Variants in IGFN1 observed in about 807,000 individuals in gnomAD.
The protein encoded by IGFN1 is immunoglobulin-like and fibronectin type III domain-containing protein 1.
In IGFN1, 253 loss-of-function variants were observed where a neutral mutation model predicts 289.5. That is an observed-to-expected ratio of 0.87 (90% CI 0.79 to 0.97). IGFN1 has a LOEUF of 0.97. Among genes scored for constraint, IGFN1 ranks in the 50% least tolerant of loss-of-function variants. IGFN1 has a pLI of 0.00. For synonymous variants in IGFN1, 1,706 were observed against 1,788.5 expected (o/e 0.95, Z 1.16); for missense variants, 4,470 against 4,686.1 (o/e 0.95, Z 1.35).
chr1:201,209,467 T>C lies in IGFN1; in HGVS notation c.4574T>C (p.Val1525Ala), dbSNP rs1024094237. 2 of 1,535,938 alleles carry C rather than the reference T, an allele frequency of 1.3e-6. No individual in the cohort carries two copies. Among genetic ancestry groups the C allele is most frequent in the East Asian group, 2.4e-5 (1 of 40,832 alleles). Residue 1525 changes from valine to alanine, a missense_variant, in exon 12 of 24, where the codon GTG becomes GCG. By Grantham distance (64) the Val-to-Ala change is moderately conservative (BLOSUM62 0). Around this residue, in one of 8 missense-constraint regions of IGFN1, gnomAD observed 2,011 missense variants for 1,953.4 expected, o/e 1.03. Coordinates refer to ENST00000335211, the MANE Select transcript of IGFN1 (RefSeq NM_001164586.2). The part of the protein sequence containing the change: ...GGLGSGEMGS[V>A]DKAGYRKDLG... ...TTAGGTTCTGGGGAAATGGGGTCTG[T>C]GGATAAGGCAGGCTATAGGAAGGAT...
Position 201,211,493 on chromosome 1 carries a change from A to G in IGFN1, c.6600A>G (p.Leu2200=), listed in dbSNP as rs1406490922. ...SGSKAGFRDG[L]GGSEEMGSVN... ...GTAAGGCAGGTTTCAGGGATGGTTT[A>G]GGGGGTTCTGAAGAAATGGGGTCAG... The change falls in exon 12 of 24, where the codon TTA becomes TTG. Residue 2200 remains leucine, a synonymous_variant. Coordinates refer to ENST00000335211, the MANE Select transcript of IGFN1 (RefSeq NM_001164586.2). 2 of 1,501,144 alleles carry G rather than the reference A, an allele frequency of 1.3e-6. No individual in the cohort carries two copies. Among genetic ancestry groups the G allele is most frequent in the South Asian group, 1.2e-5 (1 of 80,178 alleles). The allele number at this position is 1,501,144 out of a possible 1,614,324, so 93.0% of individuals were successfully genotyped here.
rs768084184 is a variant in IGFN1 at position 201,224,727 on chromosome 1, C to A, written c.10339C>A (p.Pro3447Thr). 9 of 1,614,206 alleles carry A rather than the reference C, an allele frequency of 5.6e-6. No homozygotes were observed. In the South Asian group the frequency reaches 8.8e-5, roughly 16 times the overall value. ...CTGGCTGAAGGATGGCTTGCCCTTG[C>A]CCAAAAGAAGTGTGACTGTCACTAA... is the stretch of plus-strand genomic sequence containing the variant. ...VTWLKDGLPL[P>T]KRSVTVTKDG... The change falls in exon 21 of 24, where the codon CCC (proline) becomes ACC (threonine). Residue 3447 changes from proline (P) to threonine (T), a missense_variant. This residue lies in a region of IGFN1 where 2,218 missense variants were observed against 2,114.1 expected (regional missense o/e 1.05). Transcript: ENST00000335211.
chr1:201,200,463 A>G, intron 8 of IGFN1, 52 bp downstream of exon 8: 1 of 1,432,354 alleles, frequency 7.0e-7, no homozygotes, highest in South Asian at 1.3e-5. Context: ...ACACACCTGG[A>G]CCATAGGTGC....
Position 201,212,939 on chromosome 1 carries a change from G to A in IGFN1, c.8046G>A (p.Ala2682=), listed in dbSNP as rs761937829. ...KGGEGAPGQE[A]AGGCRSPWSL... ...GGGAGGGTGCACCAGGCCAAGAGGC[G>A]GCTGGTGGATGCCGAAGCCCATGGT... The change falls in exon 12 of 24, where the codon GCG becomes GCA. Residue 2682 remains alanine, a synonymous_variant. Transcript: ENST00000335211. 87 of 1,551,384 alleles carry A rather than the reference G, an allele frequency of 5.6e-5. No individual in the cohort carries two copies. The highest frequency in any genetic ancestry group is 6.9e-5 in the Non-Finnish European group (79 of 1,146,958).
Position 201,201,839 on chromosome 1 carries a change from C to A in IGFN1, c.747+7C>A. On this transcript the variant is annotated splice_region_variant and intron_variant, in intron 9 of 23. Coordinates refer to ENST00000335211, the MANE Select transcript of IGFN1 (RefSeq NM_001164586.2). The stretch of plus-strand genomic sequence containing the variant: ...CAAGATTTACCTGTATAAGGTGAGG[C>A]TGGAGGGGCTATGGGTGGGGGGGAT... The A allele has an allele frequency of 9.6e-7, 1 of 1,045,928 alleles. No homozygotes were observed. The highest frequency in any genetic ancestry group is 1.4e-6 in the Non-Finnish European group (1 of 696,960). The allele number at this position is 1,045,928 out of a possible 1,614,324, so 64.8% of individuals were successfully genotyped here.
chr1:201,200,685 T>C (rs1460951685), intron 8 of IGFN1, among the ~76,000 whole-genome samples: 1 of 152,062 alleles, frequency 6.6e-6, no homozygotes. Context: ...ATCTGTAAAA[T>C]GGGAATTATA....
rs970072036 is a variant in IGFN1, at chr1:201,228,791, A to G, written c.*392A>G. On this transcript the variant is annotated 3_prime_UTR_variant, in exon 24 of 24. Transcript: ENST00000335211. ...AGCTGGGCCTGCTGTGACCACTGGGAGGGAAGAGGAGAGGAGGTCAGAGGA... is the reference window on the plus strand; with the variant it reads ...AGCTGGGCCTGCTGTGACCACTGGGGGGGAAGAGGAGAGGAGGTCAGAGGA... 4.4e-5 allele frequency: 10 copies of G among 227,276 alleles called. No homozygotes were observed. In the South Asian group the frequency reaches 7.8e-4, roughly 18 times the overall value. 14.1% of individuals were successfully genotyped at this position (227,276 alleles called of 1,614,324 possible). A position where few individuals can be genotyped will look rare whatever the true frequency, so the allele number is the denominator to read the frequency against.
chr1:201,223,997 C>A (rs536664580), intron 20 of IGFN1, among the ~76,000 whole-genome samples: 16 of 152,240 alleles, frequency 1.1e-4, no homozygotes, highest in African/African-American at 3.9e-4. Flanking sequence ...CTCTGCTTTC[C>A]GTGTATTTAT....
At position 201,194,144 on chromosome 1, in the gene IGFN1, C is replaced by T. The variant is rs1666778130; in HGVS notation, c.8-10C>T. 6.4e-7 allele frequency: 1 copy of T among 1,551,110 alleles called. No homozygotes were observed. Among genetic ancestry groups the T allele is most frequent in the African/African-American group, 1.4e-5 (1 of 73,030 alleles). ...GAAGGCCCCATCTCCTTCCCTCCTGCATTCTCCAGGAAAGCTCCGGAAGTC... is the reference window on the plus strand; with the variant it reads ...GAAGGCCCCATCTCCTTCCCTCCTGTATTCTCCAGGAAAGCTCCGGAAGTC... On this transcript the variant is annotated splice_polypyrimidine_tract_variant and intron_variant, in intron 2 of 23. Coordinates refer to ENST00000335211, the MANE Select transcript of IGFN1 (RefSeq NM_001164586.2).
Position 201,226,116 on chromosome 1 carries a change from G to A in IGFN1, c.10779G>A (p.Arg3593=). 2 of 1,592,010 alleles carry A rather than the reference G, an allele frequency of 1.3e-6. No individual in the cohort carries two copies. ...SDTSQPWCIP[R]QRDRFTVKAP... ...CCAGCCAGCCCTGGTGCATCCCCCG[G>A]CAGCGCGGTAAGCAGCCCCTGAGAG... Residue 3593 remains arginine, a synonymous_variant, in exon 22 of 24, where the codon CGG becomes CGA. Coordinates refer to ENST00000335211, the MANE Select transcript of IGFN1 (RefSeq NM_001164586.2).
chr1:201,215,300 G>A (rs1204357603), intron 14 of IGFN1, 146 bp downstream of exon 14: 1 of 1,025,466 alleles, frequency 9.8e-7, no homozygotes, highest in Admixed American at 2.9e-5. Context: ...GATTTAAAAA[G>A]CCGACTCATA....
intron 5 of IGFN1, among the ~76,000 whole-genome samples, chr1:201,197,839 A>G (rs1208159814): frequency 2.0e-5 from 3 of 152,186 alleles, no homozygotes; most frequent in Admixed American, 6.5e-5. Flanking sequence ...GCCATTGGTT[A>G]TGCTTACAAT....
At chr1:201,204,970 G>A (rs1245959957) in intron 10 of IGFN1, 112 bp from the exon 11 acceptor site, 1 of 1,099,182 alleles carries the variant, frequency 9.1e-7, no homozygotes, top group Non-Finnish European at 1.3e-6. Context: ...AACATGGGGA[G>A]TTTGTGGCTG....
At chr1:201,213,758 G>A in intron 12 of IGFN1, 137 bp downstream of exon 12, 2 of 715,906 alleles carry the variant, frequency 2.8e-6, no homozygotes, top group Admixed American at 2.9e-5. Flanking sequence ...CCCATTCTCA[G>A]GAATCTTTTG....
chr1:201,214,442 T>C (rs1354681914), intron 13 of IGFN1, 141 bp downstream of exon 13: 2 of 841,942 alleles, frequency 2.4e-6, no homozygotes, highest in Non-Finnish European at 3.5e-6. Flanking sequence ...GAAGTTTAAA[T>C]AGCCAATAAC....
chr1:201,205,308 G>GGGAGTCAGCCAGAC lies in IGFN1; in HGVS notation c.1143_1144insGGAGTCAGCCAGAC (p.Leu382GlyfsTer81). 6.5e-7 allele frequency: 1 copy of GGGAGTCAGCCAGAC among 1,548,622 alleles called. No homozygotes were observed. On this transcript the variant is annotated frameshift_variant, in exon 11 of 24. Transcript: ENST00000335211. LOFTEE classifies it high-confidence loss of function. ...GTTTCTCAGACATGGGCCCCTATTC[G>GGGAGTCAGCCAGAC]CTGGGCACCGGGCTCTACACTTCCA...
chr1:201,219,426 C>T (rs1319433376), intron 18 of IGFN1, among the ~76,000 whole-genome samples: 1 of 152,098 alleles, frequency 6.6e-6, no homozygotes, highest in Non-Finnish European at 1.5e-5. Context: ...ACAGGAACAG[C>T]AAAAAATGTC....
chr1:201,207,680 C>T lies in IGFN1; in HGVS notation c.2787C>T (p.Ser929=). Residue 929 remains serine (S), a synonymous_variant, in exon 12 of 24, where the codon AGC becomes AGT. Coordinates refer to ENST00000335211, the MANE Select transcript of IGFN1 (RefSeq NM_001164586.2). ...SEPDFWNGSG[S]SRVKGPRGET... is the part of the protein sequence containing the mutation. ...CAGATTTCTGGAATGGGTCAGGGAG[C>T]TCCAGAGTAAAAGGACCCAGAGGTG... 6.5e-7 allele frequency: 1 copy of T among 1,537,076 alleles called. No individual in the cohort carries two copies. The highest frequency in any genetic ancestry group is 8.7e-7 in the Non-Finnish European group (1 of 1,146,900).
Position 201,214,224 on chromosome 1 carries a change from C to T in IGFN1, c.8776C>T (p.Pro2926Ser), listed in dbSNP as rs1250994272. Residue 2926 changes from proline to serine, a missense_variant, in exon 13 of 24, where the codon CCG (proline) becomes TCG (serine). Coordinates refer to ENST00000335211, the MANE Select transcript of IGFN1 (RefSeq NM_001164586.2). ...GGGCCTGGCTGACATGGAAGTGCAG[C>T]CGGGGGAGGCCGCCACACTCTCCTG... Reference protein sequence around the residue: ...SQGLADMEVQPGEAATLSCTL... With the variant: ...SQGLADMEVQSGEAATLSCTL... 4 of 1,613,494 alleles carry T rather than the reference C, an allele frequency of 2.5e-6. No individual in the cohort carries two copies. Among genetic ancestry groups the T allele is most frequent in the Non-Finnish European group, 3.4e-6 (4 of 1,179,690 alleles).
Sources: gnomAD v4.1 joint callset for allele counts (sites outside exome capture counted in the v4.1 genomes callset) on GRCh38, gnomAD v4.1.1 for gene constraint, gnomAD v4.1.1 regional missense constraint, MANE v1.5 for transcripts, NCBI Gene and HGNC (gene_info 2026-07-23, HGNC 2026-07-21) for gene names.